VAV2: variants seen among roughly 807,000 people sequenced by gnomAD.
VAV2 encodes guanine nucleotide exchange factor VAV2.
A neutral mutation model predicts 132.5 loss-of-function variants in VAV2; 67 were observed. That is an observed-to-expected ratio of 0.51 (90% confidence interval 0.42 to 0.62). The LOEUF is 0.62. Among genes scored for constraint, VAV2 ranks in the 20% least tolerant of loss-of-function variants. The pLI, the probability that VAV2 is intolerant of heterozygous loss-of-function variation, is 0.00. For missense variants in VAV2, 938 were observed against 1,153.6 expected (o/e 0.81, Z 2.71); for synonymous variants, 492 against 443.5 (o/e 1.11, Z -1.37).
intron 2 of VAV2, among the ~76,000 whole-genome samples, chr9:133,904,955 G>A (rs560314300): frequency 6.6e-6 from 1 of 152,250 alleles, no homozygotes; most frequent in African/African-American, 2.4e-5. Context: ...GCCCTGGCAG[G>A]GAGGGGATGC....
intron 1 of VAV2, 23 bp from the exon 2 acceptor site, chr9:133,939,242 G>A (rs1169673987): frequency 6.2e-7 from 1 of 1,603,978 alleles, no homozygotes; most frequent in Non-Finnish European, 8.5e-7. Context: ...AACAAAGGGA[G>A]GGCAAGGAAA....
chr9:133,889,132 G>C (rs573415457), intron 2 of VAV2, among the ~76,000 whole-genome samples: 1 of 152,254 alleles, frequency 6.6e-6, no homozygotes, highest in Admixed American at 6.5e-5. Context: ...TTCCGCCCTC[G>C]GGGTGGGAAA....
chr9:133,812,250 A>G, intron 4 of VAV2, 34 bp from the exon 5 acceptor site: 1 of 1,593,278 alleles, frequency 6.3e-7, no homozygotes, highest in Admixed American at 1.7e-5. Context: ...AGGGGAGGGG[A>G]GGCTCCCGCC....
At chr9:133,971,576 C>G (rs1459610009) in intron 1 of VAV2, among the ~76,000 whole-genome samples, 4 of 152,172 alleles carry the variant, frequency 2.6e-5, no homozygotes, top group Non-Finnish European at 1.5e-5. Flanking sequence ...GACTGTGACA[C>G]TGGCCTCCTG....
At chr9:133,835,418 G>A (rs1188578829) in intron 3 of VAV2, among the ~76,000 whole-genome samples, 1 of 152,024 alleles carries the variant, frequency 6.6e-6, no homozygotes, top group Non-Finnish European at 1.5e-5. Flanking sequence ...AGGGAGGGGT[G>A]GGGAGGGAGG....
At position 133,833,220 on chromosome 9, in the gene VAV2, T is replaced by A. The variant is rs1430501662; in HGVS notation, c.449+1052A>T. ...CTTGAATTGTGTATATACACAGGGA[T>A]CCTGCGGAAAGTATTTTCCTGGGCC... On this transcript the variant is annotated intron_variant, in intron 4 of 29. Transcript: ENST00000371850. This position sits in a 1 kb window ranked among gnomAD's most constrained non-coding sequence, Gnocchi z 5.6. Among the ~76,000 whole-genome samples, 1 of 152,124 alleles carries A rather than the reference T, an allele frequency of 6.6e-6. No individual in the cohort carries two copies. Among genetic ancestry groups the A allele is most frequent in the East Asian group, 1.9e-4 (1 of 5,184 alleles).
chr9:133,871,717 C>T (rs1388631185), intron 2 of VAV2, among the ~76,000 whole-genome samples: 4 of 152,156 alleles, frequency 2.6e-5, no homozygotes, highest in African/African-American at 7.2e-5. Context: ...GGAGGCACCA[C>T]TGACCCTATT....
intron 4 of VAV2, among the ~76,000 whole-genome samples, chr9:133,814,804 G>A (rs139464260): frequency 8.5e-5 from 13 of 152,074 alleles, no homozygotes; most frequent in African/African-American, 2.2e-4. Context: ...GACATGCAAC[G>A]TCTTTCCTCT....
intron 3 of VAV2, among the ~76,000 whole-genome samples, chr9:133,837,706 A>G (rs1836525905): frequency 1.3e-5 from 2 of 151,818 alleles, no homozygotes; most frequent in Admixed American, 1.3e-4. Context: ...CTCAAAAAAA[A>G]TAAATTAAAA....
chr9:133,876,028 G>C (rs1413916657), intron 2 of VAV2, among the ~76,000 whole-genome samples: 1 of 152,230 alleles, frequency 6.6e-6, no homozygotes, highest in South Asian at 2.1e-4. Flanking sequence ...GACGCTCGTC[G>C]TTCTCAGGCC....
intron 1 of VAV2, among the ~76,000 whole-genome samples, chr9:133,980,006 G>T (rs1231324294): frequency 6.6e-6 from 1 of 152,210 alleles, no homozygotes; most frequent in African/African-American, 2.4e-5. Context: ...CTGCCTCTGC[G>T]GCTCAATGCC....
At position 133,918,839 on chromosome 9, in the gene VAV2, G is replaced by A. The variant is rs1394357758; in HGVS notation, c.321+20264C>T. On this transcript the variant is annotated intron_variant, in intron 2 of 29. Transcript: ENST00000371850. The surrounding 1 kb of genome is among the most constrained non-coding windows in gnomAD (Gnocchi z 4.7). ...CGCCCAGGCTGAAGTGCAGTGGTGC[G>A]ATCTCGGCTCACTGCAACCTCCGCC... 2.6e-5 allele frequency among the ~76,000 whole-genome samples: 4 copies of A among 151,940 alleles called. No individual in the cohort carries two copies. The highest frequency in any genetic ancestry group is 2.1e-4 in the South Asian group (1 of 4,808).
intron 3 of VAV2, among the ~76,000 whole-genome samples, chr9:133,842,554 G>A (rs958424898): frequency 6.6e-6 from 1 of 152,134 alleles, no homozygotes; most frequent in East Asian, 1.9e-4. Context: ...GGACAAGTTG[G>A]CCACCCTAGT....
chr9:133,848,618 C>T (rs1477309400), intron 3 of VAV2, among the ~76,000 whole-genome samples: 1 of 152,252 alleles, frequency 6.6e-6, no homozygotes. Flanking sequence ...GTCGAAACGC[C>T]GCTAAGCGCT....
chr9:133,853,586 C>T (rs951093665), intron 3 of VAV2, among the ~76,000 whole-genome samples: 18 of 152,116 alleles, frequency 1.2e-4, no homozygotes, highest in Non-Finnish European at 2.2e-4. Context: ...GCGGAGTCTG[C>T]ATCACCCTGC....
At chr9:133,881,420 G>A (rs900396603) in intron 2 of VAV2, among the ~76,000 whole-genome samples, 1 of 152,220 alleles carries the variant, frequency 6.6e-6, no homozygotes, top group Non-Finnish European at 1.5e-5. Flanking sequence ...AGGGGCCTGG[G>A]TGACAGGAGG....
At chr9:133,963,195 A>G (rs542915451) in intron 1 of VAV2, among the ~76,000 whole-genome samples, 1 of 152,326 alleles carries the variant, frequency 6.6e-6, no homozygotes, top group East Asian at 1.9e-4. Context: ...ACCCAGCACC[A>G]GGAGGCTCTG....
At chr9:133,967,377 G>A (rs1388446411) in intron 1 of VAV2, among the ~76,000 whole-genome samples, 3 of 152,182 alleles carry the variant, frequency 2.0e-5, no homozygotes, top group African/African-American at 4.8e-5. Flanking sequence ...AAAGAGATCT[G>A]CCTGATCCAG....
intron 1 of VAV2, among the ~76,000 whole-genome samples, chr9:133,975,406 G>C (rs534556496): frequency 2.0e-5 from 3 of 152,266 alleles, no homozygotes; most frequent in East Asian, 3.9e-4. Flanking sequence ...TTTCTGGGGG[G>C]CCCAGCCTCA....
Sources: allele counts gnomAD v4.1 joint callset (sites outside exome capture counted in the v4.1 genomes callset), GRCh38; gene constraint gnomAD v4.1.1; non-coding constraint Gnocchi (gnomAD v3.1); transcripts MANE v1.5; gene names NCBI Gene and HGNC (gene_info 2026-07-23, HGNC 2026-07-21).